FYCO1: variants seen among roughly 807,000 people sequenced by gnomAD.
The protein encoded by FYCO1 is FYVE and coiled-coil domain autophagy adaptor 1, also known as FYVE and coiled-coil domain-containing protein 1.
Under a neutral mutation model 165.1 loss-of-function variants are expected in FYCO1, and 122 were observed. The observed-to-expected ratio is 0.74, with a 90% CI of 0.64 to 0.86. FYCO1 has a LOEUF of 0.86. FYCO1 is among the 40% of genes least tolerant of loss of function. The pLI, the probability that FYCO1 is intolerant of heterozygous loss-of-function variation, is 0.00. For synonymous variants in FYCO1, 648 were observed against 742.5 expected (o/e 0.87, Z 2.07); for missense variants, 1,702 against 1,810.3 (o/e 0.94, Z 1.09).
At chr3:45,949,713 G>A (rs1365763016) in intron 14 of FYCO1, among the ~76,000 whole-genome samples, 1 of 152,094 alleles carries the variant, frequency 6.6e-6, no homozygotes, top group Non-Finnish European at 1.5e-5. Flanking sequence ...GAAAAGCAGC[G>A]CTGGGACCAT....
At chr3:45,970,880 A>C (rs1360101283) in intron 6 of FYCO1, among the ~76,000 whole-genome samples, 2 of 149,586 alleles carry the variant, frequency 1.3e-5, no homozygotes, top group Non-Finnish European at 3.0e-5. Context: ...TTACAAAATA[A>C]AACTATATAT....
chr3:45,955,283 C>T lies in FYCO1; in HGVS notation c.3910G>A (p.Glu1304Lys). Residue 1304 changes from glutamate (E) to lysine (K), a missense_variant, in exon 14 of 18, where the codon GAA becomes AAA. Physicochemically the swap from Glu to Lys is moderately conservative, Grantham distance 56 (BLOSUM62 1). Coordinates refer to ENST00000296137, the MANE Select transcript of FYCO1 (RefSeq NM_024513.4). ...SGSSLPETPT[E>K]TDSLDPNAAE... is the part of the protein sequence containing the mutation. ...GCATTTGGGTCGAGAGAATCAGTTT[C>T]AGTGGGTGTTTCAGGCAAAGAGGAG... 2 of 1,614,166 alleles carry T rather than the reference C, an allele frequency of 1.2e-6. No homozygotes were observed. Among genetic ancestry groups the T allele is most frequent in the Non-Finnish European group, 1.7e-6 (2 of 1,180,038 alleles).
chr3:45,938,068 C>A, intron 14 of FYCO1: 1 of 436,418 alleles, frequency 2.3e-6, no homozygotes, highest in Non-Finnish European at 4.4e-6. Flanking sequence ...GAGAGAGACA[C>A]TGAAAGCTGT....
chr3:45,957,964 G>T (rs1048595986), intron 13 of FYCO1, among the ~76,000 whole-genome samples: 2 of 152,250 alleles, frequency 1.3e-5, no homozygotes, highest in African/African-American at 4.8e-5. Context: ...CCTTCACTGG[G>T]CTGAGTGGGA....
rs373605839 is a variant in FYCO1, at chr3:45,967,790, A to T, written c.1544T>A (p.Leu515Gln). The change falls in exon 8 of 18, where the codon CTG becomes CAG. Residue 515 changes from leucine to glutamine, a missense_variant. Leu to Gln is a moderately radical substitution (Grantham distance 113). Transcript: ENST00000296137. ...EQEVRSLTRQLQFLETQLAQV... is the reference protein window; with the variant it reads ...EQEVRSLTRQQQFLETQLAQV... Reference sequence around the variant, plus strand: ...TGCCAGCTGGGTCTCCAGGAACTGCAGCTGCCGGGTCAGAGACCTGACCTC... The same window carrying T: ...TGCCAGCTGGGTCTCCAGGAACTGCTGCTGCCGGGTCAGAGACCTGACCTC... 3.7e-6 allele frequency: 6 copies of T among 1,613,750 alleles called. No homozygotes were observed. In the African/African-American group the frequency reaches 8.0e-5, roughly 22 times the overall value.
rs115098214 is a variant in FYCO1, at chr3:45,969,023, G to T, written c.631-320C>A. 2.8e-3 allele frequency among the ~76,000 whole-genome samples: 419 copies of T among 152,290 alleles called. 3 individuals are homozygous for T. The highest frequency in any genetic ancestry group is 9.5e-3 in the African/African-American group (393 of 41,558). On this transcript the variant is annotated intron_variant, in intron 7 of 17. Transcript: ENST00000296137. ...TAAATTCAGTTATATCTAAGCTGTTGTTCATTCATTGTGCCATACCCGTAA... is the reference window on the plus strand; with the variant it reads ...TAAATTCAGTTATATCTAAGCTGTTTTTCATTCATTGTGCCATACCCGTAA...
chr3:45,935,537 C>T lies in FYCO1; in HGVS notation c.4040+911G>A, dbSNP rs145519163. 1.5e-4 allele frequency among the ~76,000 whole-genome samples: 23 copies of T among 152,312 alleles called. No homozygotes were observed. In the East Asian group the frequency reaches 4.4e-3, roughly 29 times the overall value. Reference sequence around the variant, plus strand: ...GTCCTGTCTCAGGGCCTTTGTGCTGCCTGTTCCCTCTGCCTGAAATGCTAT... The same window carrying T: ...GTCCTGTCTCAGGGCCTTTGTGCTGTCTGTTCCCTCTGCCTGAAATGCTAT... On this transcript the variant is annotated intron_variant, in intron 15 of 17. Coordinates refer to ENST00000296137, the MANE Select transcript of FYCO1 (RefSeq NM_024513.4).
intron 2 of FYCO1, 188 bp downstream of exon 2, chr3:45,984,668 C>A: frequency 2.9e-6 from 2 of 692,876 alleles, no homozygotes; most frequent in Middle Eastern, 2.7e-4. Flanking sequence ...GGAAACCAGG[C>A]AAGCTTTCCA....
intron 3 of FYCO1, among the ~76,000 whole-genome samples, chr3:45,981,358 A>G (rs1707043852): frequency 1.3e-5 from 2 of 152,220 alleles, no homozygotes; most frequent in African/African-American, 4.8e-5. Flanking sequence ...CTTGATTCTC[A>G]AAGCCATCCT....
At position 45,967,295 on chromosome 3, in the gene FYCO1, C is replaced by T; in HGVS notation, c.2039G>A (p.Ser680Asn). 1 of 1,613,960 alleles carries T rather than the reference C, an allele frequency of 6.2e-7. No homozygotes were observed. The highest frequency in any genetic ancestry group is 8.5e-7 in the Non-Finnish European group (1 of 1,179,918). ...CTTGGCCTTCCTTACAGCCAGCAAGCTCGCCTCCATCTGGTCACCCAAGTG... is the reference window on the plus strand; with the variant it reads ...CTTGGCCTTCCTTACAGCCAGCAAGTTCGCCTCCATCTGGTCACCCAAGTG... ...IRHLGDQMEA[S>N]LLAVRKAKEA... The change falls in exon 8 of 18, where the codon AGC becomes AAC. Residue 680 changes from serine (S) to asparagine (N), a missense_variant. Transcript: ENST00000296137.
At chr3:45,982,312 CA>C (rs11331781) in intron 2 of FYCO1, among the ~76,000 whole-genome samples, 3,230 of 147,042 alleles carry the variant, frequency 0.022, 115 homozygotes, top group African/African-American at 0.072. Context: ...GTTAAAATGT[CA>C]AAAAAAAAAG....
At chr3:45,965,174 T>G in intron 8 of FYCO1, 49 bp from the exon 9 acceptor site, 2 of 1,441,224 alleles carry the variant, frequency 1.4e-6, no homozygotes, top group Non-Finnish European at 1.9e-6. Context: ...GTCCTTGCTC[T>G]GAGGATCCCT....
At chr3:45,977,117 G>A (rs1706799474) in intron 4 of FYCO1, among the ~76,000 whole-genome samples, 1 of 151,950 alleles carries the variant, frequency 6.6e-6, no homozygotes, top group Admixed American at 6.6e-5. Context: ...TCAGGCCGTT[G>A]GAAAGAGGTG....
chr3:45,965,663 C>T (rs1398720539), intron 8 of FYCO1, among the ~76,000 whole-genome samples: 1 of 152,270 alleles, frequency 6.6e-6, no homozygotes, highest in East Asian at 1.9e-4. Context: ...TTGTTCCCTT[C>T]CCTGTATCTG....
intron 1 of FYCO1, among the ~76,000 whole-genome samples, chr3:45,988,029 T>C (rs1193886006): frequency 6.6e-6 from 1 of 152,166 alleles, no homozygotes; most frequent in Non-Finnish European, 1.5e-5. Flanking sequence ...GGTGTCAAGT[T>C]CCCAGGTCGT....
At chr3:45,974,309 G>T (rs1003637829) in intron 5 of FYCO1, among the ~76,000 whole-genome samples, 1 of 152,194 alleles carries the variant, frequency 6.6e-6, no homozygotes, top group Non-Finnish European at 1.5e-5. Context: ...GCAGCTTGAG[G>T]TTACAGTGTG....
chr3:45,967,049 T>C lies in FYCO1; in HGVS notation c.2285A>G (p.Asn762Ser), dbSNP rs779891660. Residue 762 changes from asparagine to serine, a missense_variant, in exon 8 of 18, where the codon AAT (asparagine) becomes AGT (serine). Asn to Ser is a conservative substitution (Grantham distance 46). Coordinates refer to ENST00000296137, the MANE Select transcript of FYCO1 (RefSeq NM_024513.4). ...GQQGVGPPTD[N>S]EARELAAQLA... Reference sequence around the variant, plus strand: ...CTGGGCAGCCAGCTCACGGGCTTCATTGTCAGTGGGTGGGCCAACTCCCTG... The same window carrying C: ...CTGGGCAGCCAGCTCACGGGCTTCACTGTCAGTGGGTGGGCCAACTCCCTG... 35 of 1,613,542 alleles carry C rather than the reference T, an allele frequency of 2.2e-5. No individual in the cohort carries two copies. The highest frequency in any genetic ancestry group is 5.3e-5 in the African/African-American group (4 of 74,938).
chr3:45,929,469 A>G (rs1437261831), intron 16 of FYCO1, among the ~76,000 whole-genome samples: 3 of 152,134 alleles, frequency 2.0e-5, no homozygotes, highest in Admixed American at 6.5e-5. Flanking sequence ...CCCTGCCACA[A>G]ACACTCACGG....
Position 45,923,769 on chromosome 3 carries a change from G to A in FYCO1, c.4252-4C>T. On this transcript the variant is annotated splice_region_variant and splice_polypyrimidine_tract_variant and intron_variant, in intron 16 of 17. Coordinates refer to ENST00000296137, the MANE Select transcript of FYCO1 (RefSeq NM_024513.4). The stretch of plus-strand genomic sequence containing the variant: ...ATCGGGTCGTGGGAATGAGGACCTG[G>A]GAGGGAAAGCAGGTAGGCAAAAACA... The A allele has an allele frequency of 2.5e-6, 4 of 1,604,960 alleles. No homozygotes were observed. Among genetic ancestry groups the A allele is most frequent in the Non-Finnish European group, 3.4e-6 (4 of 1,171,602 alleles).
Sources: allele counts gnomAD v4.1 joint callset (sites outside exome capture counted in the v4.1 genomes callset), GRCh38; gene constraint gnomAD v4.1.1; transcripts MANE v1.5; gene names NCBI Gene and HGNC (gene_info 2026-07-23, HGNC 2026-07-21).